Variants in LRRC7 observed in about 807,000 individuals in gnomAD.
The protein encoded by LRRC7 is leucine-rich repeat-containing protein 7.
A neutral mutation model predicts 175.7 loss-of-function variants in LRRC7; 23 were observed. The ratio of observed to expected loss-of-function variants is 0.13; its 90% CI spans 0.09 to 0.19. The LOEUF (loss-of-function observed/expected upper bound fraction) is 0.19, where lower values mean the gene tolerates loss of function less well. Ranked by LOEUF, LRRC7 falls within the 10% of genes least tolerant of loss-of-function variation. The pLI, the probability that LRRC7 is intolerant of heterozygous loss-of-function variation, is 1.00. For synonymous variants in LRRC7, 685 were observed against 680.9 expected, an observed-to-expected ratio of 1.01 and a Z score of -0.09; for missense variants, 1,354 against 1,904.7, an observed-to-expected ratio of 0.71 and a Z score of 5.38.
At chr1:70,002,927 T>C (rs147759330) in intron 11 of LRRC7, among the ~76,000 whole-genome samples, 2 of 152,282 alleles carry the variant, frequency 1.3e-5, no homozygotes, top group African/African-American at 4.8e-5. Flanking sequence ...AAGAAAAATA[T>C]AAGTATTTGC....
chr1:69,891,466 T>C (rs1301352198), intron 7 of LRRC7, among the ~76,000 whole-genome samples: 7 of 152,328 alleles, frequency 4.6e-5, no homozygotes, highest in African/African-American at 1.7e-4. Flanking sequence ...GCATGGTGGC[T>C]CACACCTGTA....
chr1:69,989,126 A>G (rs1478202204), intron 10 of LRRC7, among the ~76,000 whole-genome samples: 1 of 152,212 alleles, frequency 6.6e-6, no homozygotes, highest in Non-Finnish European at 1.5e-5. Flanking sequence ...AAATGCTGAA[A>G]CACAAATAAT....
chr1:69,667,605 G>A (rs1211169678), intron 1 of LRRC7, among the ~76,000 whole-genome samples: 1 of 152,068 alleles, frequency 6.6e-6, no homozygotes, highest in East Asian at 1.9e-4. Flanking sequence ...TATTTTGTCT[G>A]ATTTAAGTAT....
Position 69,760,065 on chromosome 1 carries a change from G to A in LRRC7, c.101-126G>A, listed in dbSNP as rs1670869859. The A allele has an allele frequency of 3.4e-6, 3 of 870,110 alleles. No individual in the cohort carries two copies. In the African/African-American group the frequency reaches 5.1e-5, roughly 15 times the overall value. The allele number at this position is 870,110 out of a possible 1,614,324, so 53.9% of individuals were successfully genotyped here. A position where few individuals can be genotyped will look rare whatever the true frequency, so the allele number is the denominator to read the frequency against. On this transcript the variant is annotated intron_variant, in intron 2 of 26. Transcript: ENST00000651989. ...ATTTAATGATACAATGCGTGTGTGT[G>A]TCCTACTTTAAAGTATTCTAGACTG...
intron 1 of LRRC7, among the ~76,000 whole-genome samples, chr1:69,615,119 A>T (rs80145004): frequency 2.6e-5 from 4 of 152,194 alleles, no homozygotes; most frequent in South Asian, 2.1e-4. Context: ...TATCACCAAT[A>T]ATCCCTTTTA....
intron 22 of LRRC7, among the ~76,000 whole-genome samples, chr1:70,045,650 C>T (rs1396929780): frequency 1.3e-5 from 2 of 152,100 alleles, no homozygotes; most frequent in African/African-American, 4.8e-5. Context: ...GAAATCAAAC[C>T]TTGTATTAGT....
chr1:69,921,358 C>T (rs1426907077), intron 7 of LRRC7, among the ~76,000 whole-genome samples: 1 of 152,082 alleles, frequency 6.6e-6, no homozygotes, highest in African/African-American at 2.4e-5. Flanking sequence ...CACACACACA[C>T]ACTTTTTCCT....
At chr1:69,693,899 T>G (rs553121687) in intron 2 of LRRC7, among the ~76,000 whole-genome samples, 1 of 152,364 alleles carries the variant, frequency 6.6e-6, no homozygotes, top group South Asian at 2.1e-4. Flanking sequence ...AGTTTTCTAT[T>G]GCTTTCAGAA....
chr1:69,717,794 GAA>G (rs1391440381), intron 2 of LRRC7, among the ~76,000 whole-genome samples: 2 of 18,712 alleles, frequency 1.1e-4, no homozygotes, highest in East Asian at 1.9e-3. Context: ...AAGAAAGAAA[GAA>G]AGAAAGAAAG....
intron 7 of LRRC7, among the ~76,000 whole-genome samples, chr1:69,859,381 T>C (rs1424895500): frequency 6.6e-6 from 1 of 152,080 alleles, no homozygotes. Flanking sequence ...GCACATTATT[T>C]TGGCATCACA....
chr1:69,574,225 T>G (rs546943713), intron 1 of LRRC7, among the ~76,000 whole-genome samples: 5 of 152,008 alleles, frequency 3.3e-5, no homozygotes, highest in Non-Finnish European at 4.4e-5. Context: ...GTAGCTGACC[T>G]TAAAACAAAA....
At chr1:69,619,130 T>G (rs1425735638) in intron 1 of LRRC7, among the ~76,000 whole-genome samples, 1 of 152,056 alleles carries the variant, frequency 6.6e-6, no homozygotes, top group African/African-American at 2.4e-5. Context: ...TCCATCAAAA[T>G]GTATGTCCCT....
intron 2 of LRRC7, among the ~76,000 whole-genome samples, chr1:69,733,757 C>T (rs1667824649): frequency 6.6e-6 from 1 of 152,002 alleles, no homozygotes; most frequent in African/African-American, 2.4e-5. Context: ...TGCAGAAAAA[C>T]AGTGCCTTTG....
intron 23 of LRRC7, among the ~76,000 whole-genome samples, chr1:70,057,206 G>A (rs1346577237): frequency 6.6e-6 from 1 of 152,142 alleles, no homozygotes; most frequent in Non-Finnish European, 1.5e-5. Flanking sequence ...ACCTCTCAGA[G>A]TAGAGAGAAT....
At chr1:69,589,169 T>TGA (rs1447422134) in intron 1 of LRRC7, among the ~76,000 whole-genome samples, 1 of 151,092 alleles carries the variant, frequency 6.6e-6, no homozygotes, top group Admixed American at 6.6e-5. Flanking sequence ...TGTGTGTGTG[T>TGA]GAGAGAGAGA....
rs552019418 is a variant in LRRC7, at chr1:69,591,339, A to G, written c.2+22698A>G. Among the ~76,000 whole-genome samples the G allele has an allele frequency of 2.6e-5, 4 of 152,174 alleles. No homozygotes were observed. The East Asian group carries it at 7.7e-4, about 29-fold the overall frequency. ...TCAATTTGTTCATATCAGTATCTAA[A>G]GTGTCTGAGAATTTTTTTGGGTTGC... On this transcript the variant is annotated intron_variant, in intron 1 of 26. Coordinates refer to ENST00000651989, the MANE Select transcript of LRRC7 (RefSeq NM_001370785.2).
chr1:69,576,884 T>C (rs1645973427), intron 1 of LRRC7, among the ~76,000 whole-genome samples: 1 of 152,216 alleles, frequency 6.6e-6, no homozygotes. Flanking sequence ...TAATACGAGA[T>C]GTCAACCTCT....
intron 23 of LRRC7, among the ~76,000 whole-genome samples, chr1:70,067,883 G>A (rs755492256): frequency 7.9e-5 from 12 of 151,966 alleles, no homozygotes; most frequent in Non-Finnish European, 1.2e-4. Flanking sequence ...ATTATACATG[G>A]TATTGCATTT....
chr1:69,972,044 T>C lies in LRRC7; in HGVS notation c.712-8335T>C, dbSNP rs566859798. On this transcript the variant is annotated intron_variant, in intron 8 of 26. Coordinates refer to ENST00000651989, the MANE Select transcript of LRRC7 (RefSeq NM_001370785.2). ...GAGAAAGGACACCTTATTCAACAAA[T>C]AGCGCTGGGATAATTGGCAAGCCAC... 1.1e-4 allele frequency among the ~76,000 whole-genome samples: 17 copies of C among 152,114 alleles called. No individual in the cohort carries two copies. The South Asian group carries it at 1.7e-3, about 15-fold the overall frequency.
Sources: allele counts gnomAD v4.1 joint callset (sites outside exome capture counted in the v4.1 genomes callset), GRCh38; gene constraint gnomAD v4.1.1; transcripts MANE v1.5; gene names NCBI Gene and HGNC (gene_info 2026-07-23, HGNC 2026-07-21).